AGMO: variants seen among roughly 807,000 people sequenced by gnomAD.
AGMO encodes the protein glyceryl-ether monooxygenase.
Under a neutral mutation model 60.2 loss-of-function variants are expected in AGMO, and 75 were observed. The observed-to-expected ratio is 1.25, with a 90% confidence interval of 1.03 to 1.51. The LOEUF (loss-of-function observed/expected upper bound fraction) is 1.51, where lower values mean the gene tolerates loss of function less well. AGMO is among the 40% of genes most tolerant of loss of function. The pLI, the probability that AGMO is intolerant of heterozygous loss-of-function variation, is 0.00. For synonymous variants in AGMO, 261 were observed against 177.1 expected, an observed-to-expected ratio of 1.47 and a Z score of -3.76; for missense variants, 763 against 525.5, an observed-to-expected ratio of 1.45 and a Z score of -4.42.
chr7:15,127,478 T>C, the AGMO span, among the ~76,000 whole-genome samples: 2 of 152,052 alleles, frequency 1.3e-5, no homozygotes, highest in African/African-American at 4.8e-5. Flanking sequence ...CCAAGATCTT[T>C]TGACATTGAG....
rs146888158 is a variant in AGMO at position 15,539,397 on chromosome 7, G to A, written c.409+5375C>T. 3.3e-5 allele frequency among the ~76,000 whole-genome samples: 5 copies of A among 152,266 alleles called. No individual in the cohort carries two copies. The East Asian group carries it at 9.7e-4, about 29-fold the overall frequency. The stretch of plus-strand genomic sequence containing the variant: ...ACTTAAAAGTGAGAACATGTGGTAT[G>A]TGGTTTTCTCTTCCTTAGTTTGTTT... On this transcript the variant is annotated intron_variant, in intron 3 of 12. Transcript: ENST00000342526.
intron 10 of AGMO, among the ~76,000 whole-genome samples, chr7:15,383,938 T>C (rs950670359): frequency 2.0e-5 from 3 of 152,114 alleles, no homozygotes; most frequent in Non-Finnish European, 4.4e-5. Context: ...CCATCTATTT[T>C]TTTTTTCGTT....
At chr7:15,199,711 C>T (rs536278484), downstream of AGMO, among the ~76,000 whole-genome samples, 81 of 152,198 alleles carry the variant, frequency 5.3e-4, no homozygotes, top group African/African-American at 1.7e-3. Context: ...ATACAAAATT[C>T]TGTGAAAATT....
intron 12 of AGMO, among the ~76,000 whole-genome samples, chr7:15,314,055 G>A (rs1780843383): frequency 1.3e-5 from 2 of 151,938 alleles, no homozygotes; most frequent in African/African-American, 4.8e-5. Context: ...GGTGATCCTG[G>A]ATCATCAAGC....
intron 3 of AGMO, among the ~76,000 whole-genome samples, chr7:15,497,925 T>C (rs1783276748): frequency 6.6e-6 from 1 of 152,030 alleles, no homozygotes; most frequent in African/African-American, 2.4e-5. Context: ...AAAAGAAATA[T>C]GTTTGGAACA....
Position 15,425,324 on chromosome 7 carries a change from T to C in AGMO, c.513+5681A>G, listed in dbSNP as rs186876691. 2.2e-4 allele frequency among the ~76,000 whole-genome samples: 33 copies of C among 152,232 alleles called. No individual in the cohort carries two copies. In the East Asian group the frequency reaches 5.8e-3, roughly 27 times the overall value. ...ATTTTTAAATTATTATGCTCAAATA[T>C]AATAAGATCATCATTGATTTACATA... On this transcript the variant is annotated intron_variant, in intron 4 of 12. Transcript: ENST00000342526.
intron 12 of AGMO, among the ~76,000 whole-genome samples, chr7:15,355,504 CAAAAAAAA>C (rs56695710): frequency 6.1e-5 from 5 of 81,738 alleles, no homozygotes; most frequent in South Asian, 9.5e-4. Flanking sequence ...GACTCTGTCT[CAAAAAAAA>C]AAAAAAAAAA....
At chr7:15,309,804 C>G (rs1319775768) in intron 12 of AGMO, among the ~76,000 whole-genome samples, 1 of 152,070 alleles carries the variant, frequency 6.6e-6, no homozygotes, top group Non-Finnish European at 1.5e-5. Context: ...GTCCCTCAAT[C>G]AAAGATCATT....
intron 3 of AGMO, among the ~76,000 whole-genome samples, chr7:15,474,782 T>A (rs1254235867): frequency 6.6e-6 from 1 of 151,916 alleles, no homozygotes; most frequent in Non-Finnish European, 1.5e-5. Flanking sequence ...AGGAGAAAAT[T>A]TTTGCAATCT....
chr7:15,323,568 T>C lies in AGMO; in HGVS notation c.1263+41946A>G, dbSNP rs551607192. Reference sequence around the variant, plus strand: ...GCTACAGAAGACTGCTAAAATTTTATCTAGGTAGGTCACTAAAACACTCCC... The same window carrying C: ...GCTACAGAAGACTGCTAAAATTTTACCTAGGTAGGTCACTAAAACACTCCC... On this transcript the variant is annotated intron_variant, in intron 12 of 12. Transcript: ENST00000342526. Among the ~76,000 whole-genome samples the C allele has an allele frequency of 1.2e-4, 19 of 152,296 alleles. No homozygotes were observed. The South Asian group carries it at 3.1e-3, about 25-fold the overall frequency.
chr7:15,289,756 C>G (rs1222171182), intron 12 of AGMO, among the ~76,000 whole-genome samples: 2 of 151,802 alleles, frequency 1.3e-5, no homozygotes, highest in African/African-American at 4.8e-5. Context: ...TTCTGTGGCT[C>G]AATTAACTGA....
intron 12 of AGMO, among the ~76,000 whole-genome samples, chr7:15,223,703 T>C (rs1450669643): frequency 1.3e-5 from 2 of 151,978 alleles, no homozygotes; most frequent in Non-Finnish European, 2.9e-5. Context: ...ACCTAGACAA[T>C]GCATAGTCTC....
the AGMO span, among the ~76,000 whole-genome samples, chr7:15,174,565 T>C: frequency 2.0e-5 from 3 of 152,064 alleles, no homozygotes; most frequent in African/African-American, 7.2e-5. Flanking sequence ...CAGTCTGTTT[T>C]ACCAGATAGG....
At chr7:15,255,893 C>T (rs150217975) in intron 12 of AGMO, among the ~76,000 whole-genome samples, 2 of 152,062 alleles carry the variant, frequency 1.3e-5, no homozygotes, top group African/African-American at 2.4e-5. Flanking sequence ...GACAGCAAGA[C>T]GGTTGAAAAT....
intron 12 of AGMO, among the ~76,000 whole-genome samples, chr7:15,321,429 A>G (rs947471263): frequency 2.0e-5 from 3 of 152,184 alleles, no homozygotes; most frequent in Non-Finnish European, 4.4e-5. Context: ...GTTGGTGGCG[A>G]AAGTTTGTAA....
intron 12 of AGMO, among the ~76,000 whole-genome samples, chr7:15,302,620 G>A (rs559590934): frequency 1.2e-3 from 185 of 152,194 alleles, no homozygotes; most frequent in Admixed American, 3.0e-3. Flanking sequence ...AGCTTTTAGC[G>A]CAGTACTTGT....
intron 12 of AGMO, among the ~76,000 whole-genome samples, chr7:15,241,459 CAAAAAAAAA>C (rs61727790): frequency 1.6e-4 from 8 of 51,364 alleles, no homozygotes; most frequent in South Asian, 8.5e-4. Flanking sequence ...GACTCCGTCT[CAAAAAAAAA>C]AAAAAAAAAA....
intron 5 of AGMO, among the ~76,000 whole-genome samples, chr7:15,396,995 T>C (rs1384534739): frequency 6.6e-6 from 1 of 152,044 alleles, no homozygotes; most frequent in African/African-American, 2.4e-5. Flanking sequence ...AGACATAGAG[T>C]GCTGATTGGT....
At chr7:15,279,597 T>C (rs560130754) in intron 12 of AGMO, among the ~76,000 whole-genome samples, 13 of 152,252 alleles carry the variant, frequency 8.5e-5, no homozygotes, top group African/African-American at 3.1e-4. Context: ...AACTGGTGTG[T>C]AGAGATTTAC....
Sources: gnomAD v4.1 joint callset for allele counts (sites outside exome capture counted in the v4.1 genomes callset) on GRCh38, gnomAD v4.1.1 for gene constraint, MANE v1.5 for transcripts, NCBI Gene and HGNC (gene_info 2026-07-23, HGNC 2026-07-21) for gene names.